Variants in SAMMSON observed in about 807,000 individuals in gnomAD.
SAMMSON encodes long intergenic non-protein coding RNA 1212.
At chr3:70,134,087 C>CAAAAAA (rs1157606808) in intron 4 of SAMMSON, among the ~76,000 whole-genome samples, 6 of 60,584 alleles carry the variant, frequency 9.9e-5, no homozygotes, top group South Asian at 5.3e-4. Flanking sequence ...ACTGAAAATA[C>CAAAAAA]AAAAAAAAAA....
chr3:70,038,920 A>G (rs1255101285), intron 3 of SAMMSON, among the ~76,000 whole-genome samples: 1 of 152,134 alleles, frequency 6.6e-6, no homozygotes, highest in African/African-American at 2.4e-5. Flanking sequence ...ACCAGTGTGA[A>G]GTGGTTTAGG....
intron 6 of SAMMSON, among the ~76,000 whole-genome samples, chr3:70,262,132 G>C (rs1017264831): frequency 6.6e-6 from 1 of 152,098 alleles, no homozygotes; most frequent in Non-Finnish European, 1.5e-5. Flanking sequence ...TGTGTGTTGA[G>C]CAGCAAGGCC....
intron 7 of SAMMSON, among the ~76,000 whole-genome samples, chr3:70,319,047 C>G (rs139723267): frequency 1.3e-5 from 2 of 152,142 alleles, no homozygotes; most frequent in South Asian, 2.1e-4. Flanking sequence ...CTCACAAAAG[C>G]TACTTTTTGC....
chr3:70,431,717 T>A (rs1250104440), intron 2 of SAMMSON, among the ~76,000 whole-genome samples: 1 of 152,040 alleles, frequency 6.6e-6, no homozygotes, highest in Non-Finnish European at 1.5e-5. Context: ...ATATAGAATA[T>A]TTCCCAGAAA....
intron 4 of SAMMSON, among the ~76,000 whole-genome samples, chr3:70,201,608 C>A (rs150512543): frequency 1.8e-3 from 268 of 152,234 alleles, no homozygotes; most frequent in African/African-American, 6.3e-3. Flanking sequence ...AAGAGGCATG[C>A]CCCAGGAAAC....
rs536570479 is a variant in SAMMSON, at chr3:70,130,063, T to G, written n.507+58498T>G. On this transcript the variant is annotated intron_variant and non_coding_transcript_variant, in intron 4 of 9. Coordinates refer to ENST00000642114, the Ensembl canonical transcript of SAMMSON. ...TATACACCTGTTTGAATTTTAGAAC[T>G]GTGGTGAAACAGTGATGACAGTCTC... Among the ~76,000 whole-genome samples, 4 of 152,294 alleles carry G rather than the reference T, an allele frequency of 2.6e-5. No individual in the cohort carries two copies. The South Asian group carries it at 8.3e-4, about 32-fold the overall frequency.
At chr3:70,185,805 T>TAAA (rs1553643907) in intron 4 of SAMMSON, among the ~76,000 whole-genome samples, 1 of 37,122 alleles carries the variant, frequency 2.7e-5, no homozygotes, top group African/African-American at 9.5e-5. Flanking sequence ...ACCCCGCCTC[T>TAAA]ACAAAAAAAA....
intron 9 of SAMMSON, among the ~76,000 whole-genome samples, chr3:70,359,715 T>C (rs1278853443): frequency 1.3e-5 from 2 of 152,238 alleles, no homozygotes; most frequent in Non-Finnish European, 2.9e-5. Flanking sequence ...TAACAATTTA[T>C]TGCTTATTGC....
intron 4 of SAMMSON, among the ~76,000 whole-genome samples, chr3:70,167,256 G>A (rs1490743995): frequency 6.6e-6 from 1 of 151,924 alleles, no homozygotes; most frequent in Non-Finnish European, 1.5e-5. Context: ...ACTATAGTTG[G>A]CTAATAAAAA....
chr3:70,418,979 TTC>T (rs71129503), intron 2 of SAMMSON, among the ~76,000 whole-genome samples: 10,252 of 66,350 alleles, frequency 0.15, 637 homozygotes, highest in Non-Finnish European at 0.22. Flanking sequence ...CCTTCCTTCC[TTC>T]TCTCTCTCTC....
intron 8 of SAMMSON, among the ~76,000 whole-genome samples, chr3:70,355,080 T>G (rs941756806): frequency 2.0e-5 from 3 of 152,040 alleles, no homozygotes; most frequent in African/African-American, 7.2e-5. Flanking sequence ...CCCTGGCCAG[T>G]GCAAAGAACA....
chr3:70,291,027 G>C (rs376926704), intron 6 of SAMMSON, among the ~76,000 whole-genome samples: 13 of 152,320 alleles, frequency 8.5e-5, no homozygotes, highest in African/African-American at 3.1e-4. Flanking sequence ...CTTCTGCTTC[G>C]CTCACGCTGG....
chr3:70,129,946 A>G (rs959877773), intron 4 of SAMMSON, among the ~76,000 whole-genome samples: 1 of 152,214 alleles, frequency 6.6e-6, no homozygotes, highest in Non-Finnish European at 1.5e-5. Context: ...AATGGTTACT[A>G]TACTCGAGCA....
chr3:70,111,582 G>A (rs767312762), intron 4 of SAMMSON, among the ~76,000 whole-genome samples: 1 of 152,284 alleles, frequency 6.6e-6, no homozygotes, highest in East Asian at 1.9e-4. Context: ...ACATGAGGAA[G>A]TGATTCACTA....
chr3:70,374,105 G>A lies in SAMMSON; in HGVS notation n.914-15469G>A, dbSNP rs553694187. Among the ~76,000 whole-genome samples, 160 of 152,200 alleles carry A rather than the reference G, an allele frequency of 1.1e-3. 2 individuals carry two copies. Among genetic ancestry groups the A allele is most frequent in the South Asian group, 1.7e-3 (8 of 4,822 alleles). On this transcript the variant is annotated intron_variant and non_coding_transcript_variant, in intron 9 of 9. Transcript: ENST00000642114. ...AATTTTGTATTTTTAATAGAGACAG[G>A]GTTTCTCCATGTTGGTCAGGCTGGT...
At chr3:70,344,618 A>C (rs12632535) in intron 7 of SAMMSON, among the ~76,000 whole-genome samples, 16,334 of 152,194 alleles carry the variant, frequency 0.11, 1,322 homozygotes, top group East Asian at 0.48. Flanking sequence ...ATGCACTCTA[A>C]CACGTGCCCA....
intron 2 of SAMMSON, among the ~76,000 whole-genome samples, chr3:70,409,096 G>C (rs1049353938): frequency 3.9e-5 from 6 of 152,088 alleles, no homozygotes; most frequent in Admixed American, 3.9e-4. Flanking sequence ...TCTCCCACCT[G>C]GTGTCTCCCG....
intron 4 of SAMMSON, among the ~76,000 whole-genome samples, chr3:70,216,366 T>C (rs1559537210): frequency 6.6e-6 from 1 of 151,524 alleles, no homozygotes; most frequent in African/African-American, 2.4e-5. Flanking sequence ...TGTCATTCAT[T>C]TTTCTAAGAG....
At chr3:70,392,406 C>T (rs555242843), downstream of SAMMSON, among the ~76,000 whole-genome samples, 69 of 152,268 alleles carry the variant, frequency 4.5e-4, no homozygotes, top group Admixed American at 7.2e-4. Flanking sequence ...GACTCCAAAG[C>T]CCCTGCAAGT....
Sources: gnomAD v4.1 joint callset for allele counts (sites outside exome capture counted in the v4.1 genomes callset) on GRCh38, gnomAD v4.1.1 for gene constraint, MANE v1.5 for transcripts, NCBI Gene and HGNC (gene_info 2026-07-23, HGNC 2026-07-21) for gene names.